TTPA: variants seen among roughly 807,000 people sequenced by gnomAD.
The protein encoded by TTPA is alpha-tocopherol transfer protein.
TTPA carries 23 observed loss-of-function variants against 25.9 expected under a neutral mutation model. The observed-to-expected ratio is 0.89, with a 90% CI of 0.64 to 1.26. TTPA has a LOEUF of 1.26. TTPA is among the 50% of genes most tolerant of loss of function. The pLI is 0.00. For synonymous variants in TTPA, 148 were observed against 137.3 expected (o/e 1.08, Z -0.54); for missense variants, 337 against 353.1 (o/e 0.95, Z 0.37).
At position 63,073,024 on chromosome 8, in the gene TTPA, C is replaced by A; in HGVS notation, c.269G>T (p.Arg90Ile). The change falls in exon 2 of 5, where the codon AGA becomes ATA. Residue 90 changes from arginine (R) to isoleucine (I), a missense_variant. Coordinates refer to ENST00000260116, the MANE Select transcript of TTPA (RefSeq NM_000370.3). ...AGCCTTTAGGAGGCCAATAATACTT[C>A]TAGGGTGTAGATCTGCACTTATTTC... ...CPEISADLHPRSIIGLLKAGY... is the reference protein window; with the variant it reads ...CPEISADLHPISIIGLLKAGY... 3 of 1,613,786 alleles carry A rather than the reference C, an allele frequency of 1.9e-6. No homozygotes were observed. Among genetic ancestry groups the A allele is most frequent in the Non-Finnish European group, 2.5e-6 (3 of 1,179,754 alleles).
intron 1 of TTPA, among the ~76,000 whole-genome samples, chr8:63,078,138 A>G (rs1255713468): frequency 6.6e-6 from 1 of 152,242 alleles, no homozygotes; most frequent in Non-Finnish European, 1.5e-5. Flanking sequence ...GAATAGCGCC[A>G]ACATCAACAA....
chr8:63,073,156 A>G (rs1434729672), intron 1 of TTPA, 68 bp from the exon 2 acceptor site: 35 of 1,292,618 alleles, frequency 2.7e-5, no homozygotes, highest in Non-Finnish European at 3.8e-5. Context: ...AATGGAAGAA[A>G]AGCTTTGGCA....
rs1327064895 is a variant in TTPA at position 63,085,889 on chromosome 8, G to A, written c.133C>T (p.Leu45=). 1.3e-6 allele frequency: 2 copies of A among 1,530,570 alleles called. No individual in the cohort carries two copies. Among genetic ancestry groups the A allele is most frequent in the African/African-American group, 1.4e-5 (1 of 71,660 alleles). 94.8% of individuals were successfully genotyped at this position (1,530,570 alleles called of 1,614,324 possible). The part of the protein sequence containing the change: ...AREAGVPLAP[L]PLTDSFLLRF... ...AGCAGGAAGGAGTCGGTGAGCGGCA[G>A]CGGCGCGAGCGGGACGCCAGCTTCC... The change falls in exon 1 of 5, where the codon CTG becomes TTG. Residue 45 remains leucine (L), a synonymous_variant. Transcript: ENST00000260116.
intron 1 of TTPA, among the ~76,000 whole-genome samples, chr8:63,082,832 G>C (rs1399230830): frequency 6.6e-6 from 1 of 152,182 alleles, no homozygotes; most frequent in Non-Finnish European, 1.5e-5. Flanking sequence ...TGAAGGATAT[G>C]AACAGACACT....
chr8:63,070,138 T>G (rs1805461351), intron 2 of TTPA, among the ~76,000 whole-genome samples: 1 of 152,192 alleles, frequency 6.6e-6, no homozygotes, highest in African/African-American at 2.4e-5. Context: ...CCAATCCAGG[T>G]CACATGCTCC....
intron 1 of TTPA, among the ~76,000 whole-genome samples, chr8:63,074,109 G>A (rs1350910592): frequency 1.3e-5 from 2 of 152,306 alleles, no homozygotes; most frequent in Middle Eastern, 3.4e-3. Flanking sequence ...TGAGACTGCA[G>A]TGCAGAGAAA....
intron 1 of TTPA, among the ~76,000 whole-genome samples, chr8:63,080,280 C>G (rs1206386230): frequency 6.6e-6 from 1 of 152,090 alleles, no homozygotes; most frequent in Non-Finnish European, 1.5e-5. Flanking sequence ...CAAGAGCAAA[C>G]AAATTCAAAA....
intron 3 of TTPA, among the ~76,000 whole-genome samples, chr8:63,064,672 G>C (rs1397680398): frequency 2.0e-5 from 3 of 151,760 alleles, no homozygotes; most frequent in African/African-American, 7.3e-5. Context: ...TGTTTATTTT[G>C]AGAAAAAAAA....
At chr8:63,062,009 C>A (rs967162144) in intron 4 of TTPA, among the ~76,000 whole-genome samples, 1 of 151,970 alleles carries the variant, frequency 6.6e-6, no homozygotes, top group Non-Finnish European at 1.5e-5. Flanking sequence ...TCAACACCAG[C>A]CTGGGCAACA....
chr8:63,071,459 T>G (rs2030916598), intron 2 of TTPA, among the ~76,000 whole-genome samples: 1 of 152,212 alleles, frequency 6.6e-6, no homozygotes, highest in African/African-American at 2.4e-5. Context: ...TGTTGGTTTA[T>G]CTTTGTCCTT....
At chr8:63,082,871 C>A (rs565110654) in intron 1 of TTPA, among the ~76,000 whole-genome samples, 2 of 152,236 alleles carry the variant, frequency 1.3e-5, no homozygotes, top group East Asian at 3.9e-4. Flanking sequence ...ATGCAGCCAA[C>A]GGATACATGT....
chr8:63,061,062 A>G lies in TTPA; in HGVS notation c.*190T>C. On this transcript the variant is annotated 3_prime_UTR_variant, in exon 5 of 5. Coordinates refer to ENST00000260116, the MANE Select transcript of TTPA (RefSeq NM_000370.3). ...TGACATTTAATTACTTCAAAAGTAG[A>G]GAAAAAAGCATTTAAAAAGTAAAAA... is the stretch of plus-strand genomic sequence containing the variant. 1.7e-6 allele frequency: 1 copy of G among 591,258 alleles called. No homozygotes were observed. Among genetic ancestry groups the G allele is most frequent in the Non-Finnish European group, 2.9e-6 (1 of 342,340 alleles). The allele number at this position is 591,258 out of a possible 1,614,324, so 36.6% of individuals were successfully genotyped here. A position where few individuals can be genotyped will look rare whatever the true frequency, so the allele number is the denominator to read the frequency against.
At chr8:63,061,546 A>C in intron 4 of TTPA, 121 bp from the exon 5 acceptor site, 1 of 808,402 alleles carries the variant, frequency 1.2e-6, no homozygotes, top group Non-Finnish European at 2.0e-6. Flanking sequence ...TAGATACCAC[A>C]TCCTTTATTC....
chr8:63,084,013 T>C (rs545871626), intron 1 of TTPA, among the ~76,000 whole-genome samples: 3 of 151,916 alleles, frequency 2.0e-5, no homozygotes, highest in Non-Finnish European at 4.4e-5. Flanking sequence ...GCCTCCCAAG[T>C]AGCTGGGATT....
chr8:63,069,701 C>T (rs571353283), intron 2 of TTPA, among the ~76,000 whole-genome samples: 3 of 150,548 alleles, frequency 2.0e-5, no homozygotes, highest in Non-Finnish European at 4.4e-5. Context: ...TGCCACTGCA[C>T]TCTAGCCCAG....
intron 1 of TTPA, among the ~76,000 whole-genome samples, chr8:63,083,820 G>C (rs745430361): frequency 6.6e-6 from 1 of 151,728 alleles, no homozygotes; most frequent in Non-Finnish European, 1.5e-5. Context: ...ATACAGTGTG[G>C]GTTATGGAGG....
chr8:63,079,471 T>C (rs1805624721), intron 1 of TTPA, among the ~76,000 whole-genome samples: 1 of 151,736 alleles, frequency 6.6e-6, no homozygotes, highest in African/African-American at 2.4e-5. Flanking sequence ...AATAAAGGAA[T>C]GGAGGAATAT....
chr8:63,067,389 G>C (rs1216292975), intron 2 of TTPA, among the ~76,000 whole-genome samples: 1 of 151,368 alleles, frequency 6.6e-6, no homozygotes, highest in Non-Finnish European at 1.5e-5. Context: ...GTTCTAGAAG[G>C]CAGTAACAGA....
At chr8:63,068,202 CTA>C (rs1008349635) in intron 2 of TTPA, among the ~76,000 whole-genome samples, 4 of 152,060 alleles carry the variant, frequency 2.6e-5, no homozygotes, top group Non-Finnish European at 5.9e-5. Flanking sequence ...TGTCTCAGAG[CTA>C]TGTTTTTCTC....
Sources: allele counts gnomAD v4.1 joint callset (sites outside exome capture counted in the v4.1 genomes callset), GRCh38; gene constraint gnomAD v4.1.1; transcripts MANE v1.5; gene names NCBI Gene and HGNC (gene_info 2026-07-23, HGNC 2026-07-21).